RBM4: variants seen among roughly 807,000 people sequenced by gnomAD.
RBM4 encodes RNA-binding protein 4.
In RBM4, 7 loss-of-function variants were observed where a neutral mutation model predicts 29.5. That is an observed-to-expected ratio of 0.24 (90% CI 0.14 to 0.45). The LOEUF (loss-of-function observed/expected upper bound fraction) is 0.45, where lower values mean the gene tolerates loss of function less well. Ranked by LOEUF, RBM4 falls within the 20% of genes least tolerant of loss-of-function variation. RBM4 has a pLI of 1.00. For synonymous variants in RBM4, 220 were observed against 205.4 expected, an observed-to-expected ratio of 1.07 and a Z score of -0.61; for missense variants, 387 against 502.3, an observed-to-expected ratio of 0.77 and a Z score of 2.19.
Position 66,643,387 on chromosome 11 carries a change from G to T in RBM4, c.413-63G>T. The T allele has an allele frequency of 6.5e-7, 1 of 1,540,606 alleles. No homozygotes were observed. Among genetic ancestry groups the T allele is most frequent in the Non-Finnish European group, 8.8e-7 (1 of 1,140,080 alleles). ...AAAGCCATTGCTATGACCAGTGTCT[G>T]GGGTAGGGGCTGGGGCTATGACTAA... is the stretch of plus-strand genomic sequence containing the variant. On this transcript the variant is annotated intron_variant, in intron 2 of 3. Transcript: ENST00000310092. The surrounding 1 kb of genome is among the most constrained non-coding windows in gnomAD (Gnocchi z 6.1).
exon 3 of RBM4, chr11:66,667,611 C>A (rs1939282790): frequency 6.6e-6 from 1 of 151,828 alleles, no homozygotes; most frequent in Admixed American, 6.6e-5. Flanking sequence ...TGGAAGTAAA[C>A]ATTTAAAATT....
intron 1 of RBM4, chr11:66,639,240 ACT>A (rs1206941833): frequency 6.3e-6 from 1 of 159,832 alleles, no homozygotes; most frequent in Non-Finnish European, 1.4e-5. Context: ...TCCAAAGGAA[ACT>A]CAAATGTAGC....
chr11:66,646,455 G>T lies in RBM4; in HGVS notation c.*437G>T. 1 of 1,009,328 alleles carries T rather than the reference G, an allele frequency of 9.9e-7. No individual in the cohort carries two copies. Among genetic ancestry groups the T allele is most frequent in the African/African-American group, 1.7e-5 (1 of 58,280 alleles). 62.5% of individuals were successfully genotyped at this position (1,009,328 alleles called of 1,614,324 possible). A position where few individuals can be genotyped will look rare whatever the true frequency, so the allele number is the denominator to read the frequency against. On this transcript the variant is annotated 3_prime_UTR_variant, in exon 4 of 4. Coordinates refer to ENST00000310092, the MANE Select transcript of RBM4 (RefSeq NM_002896.4). Reference sequence around the variant, plus strand: ...TTTTTTTCTTTCCGGTGAAATAAATGGTTTTTCAACTTAGGGTATGTGTGC... The same window carrying T: ...TTTTTTTCTTTCCGGTGAAATAAATTGTTTTTCAACTTAGGGTATGTGTGC...
At chr11:66,646,533 G>C (rs1028439636), downstream of RBM4, 15 of 987,800 alleles carry the variant, frequency 1.5e-5, no homozygotes, top group African/African-American at 1.7e-5. Context: ...TACCTTGAAG[G>C]GGAGGGTATA....
chr11:66,644,130 T>TAAAA lies in RBM4; in HGVS notation c.*1_*2insAAAA. The TAAAA allele has an allele frequency of 6.2e-7, 1 of 1,611,352 alleles. No individual in the cohort carries two copies. The highest frequency in any genetic ancestry group is 8.5e-7 in the Non-Finnish European group (1 of 1,178,380). ...CGATCGGGCGCGGTACTCAGCCTTTTAAAGCTTGAGGTGAGAGGGGTGGGG... is the reference window on the plus strand; with the variant it reads ...CGATCGGGCGCGGTACTCAGCCTTTTAAAAAAAGCTTGAGGTGAGAGGGGTGGGG... On this transcript the variant is annotated frameshift_variant and stop_retained_variant, in exon 3 of 4. Coordinates refer to ENST00000310092, the MANE Select transcript of RBM4 (RefSeq NM_002896.4). LOFTEE classifies it high-confidence loss of function.
At chr11:66,661,360 C>T (rs1939080287) in intron 2 of RBM4, among the ~76,000 whole-genome samples, 2 of 152,190 alleles carry the variant, frequency 1.3e-5, no homozygotes. Flanking sequence ...TCCTGACAAG[C>T]TATGAAACCA....
intron 3 of RBM4, chr11:66,644,397 A>G (rs1938598862): frequency 2.0e-6 from 1 of 492,220 alleles, no homozygotes; most frequent in Admixed American, 4.1e-5. Context: ...AAAATAAAGA[A>G]TGATGTGCTG....
chr11:66,649,594 A>G (rs555713602), downstream of RBM4: 4 of 583,464 alleles, frequency 6.9e-6, no homozygotes, highest in East Asian at 5.8e-5. Flanking sequence ...TTCAACATCA[A>G]TGTATTATGA....
chr11:66,641,304 G>A (rs181595977), intron 2 of RBM4: 15 of 152,216 alleles, frequency 9.9e-5, no homozygotes, highest in African/African-American at 3.4e-4. Context: ...TGCCTTTGGC[G>A]TCCATTTCCC....
chr11:66,653,968 G>A (rs1184760714), intron 2 of RBM4, among the ~76,000 whole-genome samples: 1 of 152,036 alleles, frequency 6.6e-6, no homozygotes, highest in African/African-American at 2.4e-5. Context: ...GAGGTGCAAG[G>A]ATCGCTTGAG....
chr11:66,649,746 C>CT, downstream of RBM4: 1 of 701,966 alleles, frequency 1.4e-6, no homozygotes, highest in Non-Finnish European at 2.6e-6. Flanking sequence ...ACATCCAGCT[C>CT]TGTCACCCAA....
At chr11:66,655,447 C>T (rs1938930616) in intron 2 of RBM4, among the ~76,000 whole-genome samples, 1 of 151,978 alleles carries the variant, frequency 6.6e-6, no homozygotes, top group South Asian at 2.1e-4. Flanking sequence ...GCCACTACAT[C>T]CCACTCGTAT....
chr11:66,660,854 AC>A (rs1173606603), intron 2 of RBM4, among the ~76,000 whole-genome samples: 1 of 150,466 alleles, frequency 6.6e-6, no homozygotes, highest in Non-Finnish European at 1.5e-5. Context: ...GCAGGGTTTC[AC>A]CATGTTAGCC....
At chr11:66,665,679 A>C (rs1939200847) in intron 2 of RBM4, 2 of 1,513,230 alleles carry the variant, frequency 1.3e-6, no homozygotes, top group Non-Finnish European at 1.8e-6. Flanking sequence ...CGGGGGGAAA[A>C]AAAAGAACAA....
intron 2 of RBM4, among the ~76,000 whole-genome samples, chr11:66,652,759 A>G (rs1043351872): frequency 2.0e-4 from 31 of 152,140 alleles, no homozygotes; most frequent in Admixed American, 2.0e-3. Flanking sequence ...AGTCTCAGCT[A>G]CTACAGAGGC....
intron 3 of RBM4, 105 bp from the exon 4 acceptor site, chr11:66,645,917 AAACTT>A: frequency 6.6e-7 from 1 of 1,515,742 alleles, no homozygotes; most frequent in South Asian, 1.2e-5. Flanking sequence ...GGGTACAAGT[AAACTT>A]AAAAGGAGTG....
At chr11:66,663,698 G>A (rs865809194) in intron 2 of RBM4, among the ~76,000 whole-genome samples, 6 of 119,950 alleles carry the variant, frequency 5.0e-5, no homozygotes, top group Non-Finnish European at 1.1e-4. Context: ...AAATGTGTGT[G>A]TATATGTGTG....
intron 2 of RBM4, chr11:66,640,562 C>T (rs575797): frequency 4.5e-5 from 13 of 286,484 alleles, no homozygotes; most frequent in Admixed American, 3.7e-4. Flanking sequence ...GACCAGAATC[C>T]TTGTTAAGCT....
chr11:66,654,316 C>G (rs1273325554), intron 2 of RBM4, among the ~76,000 whole-genome samples: 1 of 151,616 alleles, frequency 6.6e-6, no homozygotes, highest in East Asian at 2.0e-4. Context: ...ATGGTGAAAC[C>G]CTGTCTCTAC....
Sources: allele counts gnomAD v4.1 joint callset (sites outside exome capture counted in the v4.1 genomes callset), GRCh38; gene constraint gnomAD v4.1.1; non-coding constraint Gnocchi (gnomAD v3.1); transcripts MANE v1.5; gene names NCBI Gene and HGNC (gene_info 2026-07-23, HGNC 2026-07-21).